KATNAL2: variants seen among roughly 807,000 people sequenced by gnomAD.
KATNAL2 encodes katanin catalytic subunit A1 like 2.
In KATNAL2, 52 loss-of-function variants were observed where a neutral mutation model predicts 76.3. The observed-to-expected ratio is 0.68, with a 90% CI of 0.55 to 0.86. KATNAL2 has a LOEUF of 0.86. Among genes scored for constraint, KATNAL2 ranks in the 40% least tolerant of loss-of-function variants. The pLI is 0.00. For synonymous variants in KATNAL2, 243 were observed against 244.2 expected, an observed-to-expected ratio of 1.00 and a Z score of 0.05; for missense variants, 660 against 668.9, an observed-to-expected ratio of 0.99 and a Z score of 0.15.
At chr18:46,923,018 C>CTT (rs1250220143) in intron 1 of KATNAL2, among the ~76,000 whole-genome samples, 2 of 137,878 alleles carry the variant, frequency 1.5e-5, no homozygotes, top group Admixed American at 7.4e-5. Flanking sequence ...ACATACAGAA[C>CTT]TTTTTTTTTT....
chr18:47,054,437 A>G lies in KATNAL2; in HGVS notation c.331A>G (p.Arg111Gly). Reference sequence around the variant, plus strand: ...GCAAAGAAGTAGAGGGAAGACCAGAAGGTAAAGTGAATGGTAATTCTTCTT... The same window carrying G: ...GCAAAGAAGTAGAGGGAAGACCAGAGGGTAAAGTGAATGGTAATTCTTCTT... The part of the protein sequence containing the change: ...LPQRSRGKTR[R>G]MMNDSCQNLP... Residue 111 changes from arginine to glycine, a missense_variant and splice_region_variant, in exon 6 of 18, where the codon AGG becomes GGG. Coordinates refer to ENST00000683218, the MANE Select transcript of KATNAL2 (RefSeq NM_001387690.1). The G allele has an allele frequency of 6.2e-7, 1 of 1,613,508 alleles. No homozygotes were observed. The highest frequency in any genetic ancestry group is 8.5e-7 in the Non-Finnish European group (1 of 1,179,392).
intron 1 of KATNAL2, among the ~76,000 whole-genome samples, chr18:46,925,915 G>A (rs2058713657): frequency 6.6e-6 from 1 of 152,084 alleles, no homozygotes. Context: ...GTATTTCTGT[G>A]GGATCGGTGG....
chr18:46,921,497 A>G (rs1314122175), intron 1 of KATNAL2, among the ~76,000 whole-genome samples: 1 of 152,196 alleles, frequency 6.6e-6, no homozygotes, highest in Non-Finnish European at 1.5e-5. Flanking sequence ...CTAGCTGTGT[A>G]ACTTTAGCAA....
chr18:46,960,058 G>A (rs2059889644), intron 3 of KATNAL2, among the ~76,000 whole-genome samples: 1 of 152,142 alleles, frequency 6.6e-6, no homozygotes, highest in Admixed American at 6.5e-5. Flanking sequence ...TCAAGCATTG[G>A]ATTATGTGAT....
intron 1 of KATNAL2, among the ~76,000 whole-genome samples, chr18:46,927,552 A>C (rs1394191101): frequency 6.6e-6 from 1 of 151,978 alleles, no homozygotes; most frequent in East Asian, 1.9e-4. Flanking sequence ...TGAATCTGAC[A>C]ATTATGTGTC....
Position 47,043,226 on chromosome 18 carries a change from CA to C in KATNAL2, c.52-3212del, listed in dbSNP as rs1195140135. 8.9e-3 allele frequency among the ~76,000 whole-genome samples: 371 copies of C among 41,686 alleles called. 7 individuals carry two copies. The highest frequency in any genetic ancestry group is 0.03 in the African/African-American group (281 of 9,380). The allele number at this position is 41,686 out of a possible 152,430, so 27.3% of individuals were successfully genotyped here. A position where few individuals can be genotyped will look rare whatever the true frequency, so the allele number is the denominator to read the frequency against. ...CCGGCGACAGAGCGAGACTCCGTTT[CA>C]AAAAAAAAAAAAAAAAAAGAGATCC... is the stretch of plus-strand genomic sequence containing the variant. On this transcript the variant is annotated intron_variant, in intron 3 of 17. Transcript: ENST00000683218.
chr18:47,094,228 C>T (rs540177144), intron 15 of KATNAL2, among the ~76,000 whole-genome samples: 16 of 152,322 alleles, frequency 1.1e-4, no homozygotes, highest in South Asian at 2.1e-4. Context: ...TCACCAGACA[C>T]CAAACCTGCT....
At chr18:47,085,046 C>T (rs1189866595) in intron 15 of KATNAL2, among the ~76,000 whole-genome samples, 3 of 151,904 alleles carry the variant, frequency 2.0e-5, no homozygotes, top group Non-Finnish European at 2.9e-5. Context: ...ATTGCAGCCC[C>T]GGCCCCAGCT....
chr18:47,039,377 G>A (rs910417032), intron 3 of KATNAL2, among the ~76,000 whole-genome samples: 2 of 151,968 alleles, frequency 1.3e-5, no homozygotes, highest in Non-Finnish European at 2.9e-5. Context: ...CCCTTTACCT[G>A]CCATCCCCTC....
intron 1 of KATNAL2, among the ~76,000 whole-genome samples, chr18:46,934,004 T>G (rs2059014633): frequency 6.6e-6 from 1 of 150,972 alleles, no homozygotes; most frequent in South Asian, 2.1e-4. Flanking sequence ...TGCATAGTAT[T>G]CCATGGTGTA....
intron 3 of KATNAL2, among the ~76,000 whole-genome samples, chr18:46,954,378 G>A (rs368136351): frequency 1.4e-4 from 21 of 146,142 alleles, no homozygotes; most frequent in African/African-American, 4.6e-4. Flanking sequence ...GTCACCAGGC[G>A]GGAGTATAGT....
At chr18:47,033,688 A>G (rs749455269) in intron 3 of KATNAL2, 29 of 1,614,080 alleles carry the variant, frequency 1.8e-5, no homozygotes, top group Non-Finnish European at 4.2e-6. Flanking sequence ...CAGCGTCGGC[A>G]CCTGGAGCTG....
rs1285567250 is a variant in KATNAL2 at position 47,062,971 on chromosome 18, G to C, written c.550-1G>C. On this transcript the variant is annotated splice_acceptor_variant, in intron 8 of 17. Transcript: ENST00000683218. LOFTEE classifies it high-confidence loss of function. The stretch of plus-strand genomic sequence containing the variant: ...CATAAATAACCATTCCTCCCTTTCA[G>C]GGCCAAATCATTGACTTCCAAGGGC... 1.2e-5 allele frequency: 19 copies of C among 1,613,114 alleles called. No homozygotes were observed. Among genetic ancestry groups the C allele is most frequent in the Non-Finnish European group, 1.6e-5 (19 of 1,179,362 alleles).
Position 47,067,111 on chromosome 18 carries a change from C to A in KATNAL2, c.817C>A (p.Pro273Thr). Residue 273 changes from proline to threonine, a missense_variant, in exon 11 of 18, where the codon CCT becomes ACT. Physicochemically the swap from Pro to Thr is conservative, Grantham distance 38 (BLOSUM62 -1). Transcript: ENST00000683218. ...GTTAGTCAAAGAAGCTGTTGTGTAT[C>A]CTATAAGGGTAAGGACGGGAAGCCT... ...KQLVKEAVVYPIRYPQLFTGI... is the reference protein window; with the variant it reads ...KQLVKEAVVYTIRYPQLFTGI... 1 of 1,550,914 alleles carries A rather than the reference C, an allele frequency of 6.4e-7. No individual in the cohort carries two copies.
At chr18:47,084,495 G>C (rs1414012407) in intron 15 of KATNAL2, 5 of 679,392 alleles carry the variant, frequency 7.4e-6, no homozygotes, top group African/African-American at 1.8e-5. Flanking sequence ...ATGTTCAGGA[G>C]ATACCAAGTT....
intron 15 of KATNAL2, among the ~76,000 whole-genome samples, chr18:47,081,897 A>G (rs2062541013): frequency 6.6e-6 from 1 of 152,210 alleles, no homozygotes; most frequent in South Asian, 2.1e-4. Context: ...AGACAGAGCT[A>G]GGAAATACGT....
intron 15 of KATNAL2, among the ~76,000 whole-genome samples, chr18:47,097,399 T>C (rs1330540181): frequency 1.3e-5 from 2 of 152,196 alleles, no homozygotes; most frequent in African/African-American, 4.8e-5. Context: ...CACAGATGTG[T>C]GGATCCTGAT....
At chr18:46,917,968 C>A (rs1030970882) in intron 1 of KATNAL2, 42 bp downstream of exon 1, 6 of 152,074 alleles carry the variant, frequency 3.9e-5, no homozygotes, top group Non-Finnish European at 8.8e-5. Context: ...TGTGTGACAC[C>A]TCTTTGAATT....
chr18:47,075,345 G>C lies in KATNAL2; in HGVS notation c.1077G>C (p.Met359Ile). The change falls in exon 14 of 18, where the codon ATG becomes ATC. Residue 359 changes from methionine to isoleucine, a missense_variant. Transcript: ENST00000683218. ...TIFLDELESV[M>I]SQRGTASGGE... The stretch of plus-strand genomic sequence containing the variant: ...TCCTGGACGAGCTGGAGTCGGTGAT[G>C]AGTCAGAGAGGCACAGCTTCTGGGT... The C allele has an allele frequency of 6.5e-7, 1 of 1,549,198 alleles. No individual in the cohort carries two copies. Among genetic ancestry groups the C allele is most frequent in the Non-Finnish European group, 8.7e-7 (1 of 1,153,308 alleles).
Sources: gnomAD v4.1 joint callset for allele counts (sites outside exome capture counted in the v4.1 genomes callset) on GRCh38, gnomAD v4.1.1 for gene constraint, MANE v1.5 for transcripts, NCBI Gene and HGNC (gene_info 2026-07-23, HGNC 2026-07-21) for gene names.